Variants in IMMP2L observed in about 807,000 individuals in gnomAD.
The protein encoded by IMMP2L is mitochondrial inner membrane protease subunit 2.
A neutral mutation model predicts 19.3 loss-of-function variants in IMMP2L; 18 were observed. The observed-to-expected ratio is 0.93, with a 90% CI of 0.64 to 1.38. IMMP2L has a LOEUF of 1.38. IMMP2L is among the 40% of genes most tolerant of loss of function. IMMP2L has a pLI of 0.00. For missense variants in IMMP2L, 233 were observed against 218.2 expected (o/e 1.07, Z -0.43); for synonymous variants, 76 against 73.0 (o/e 1.04, Z -0.21).
chr7:110,704,948 G>T (rs542531940), intron 5 of IMMP2L, among the ~76,000 whole-genome samples: 1 of 152,152 alleles, frequency 6.6e-6, no homozygotes, highest in East Asian at 1.9e-4. Flanking sequence ...TAGACCAGAT[G>T]AAATCACCTC....
intron 3 of IMMP2L, among the ~76,000 whole-genome samples, chr7:111,387,032 T>C (rs1320163955): frequency 2.0e-5 from 3 of 152,186 alleles, no homozygotes; most frequent in Non-Finnish European, 4.4e-5. Context: ...TATTCAAAAA[T>C]AGCAGAAGAA....
chr7:111,463,496 A>C (rs952414313), intron 3 of IMMP2L, among the ~76,000 whole-genome samples: 23 of 152,066 alleles, frequency 1.5e-4, no homozygotes, highest in Admixed American at 8.5e-4. Context: ...AGATCACAAG[A>C]CAACAGAAGA....
At chr7:111,413,177 C>T (rs1178339634) in intron 3 of IMMP2L, among the ~76,000 whole-genome samples, 1 of 151,974 alleles carries the variant, frequency 6.6e-6, no homozygotes, top group Admixed American at 6.6e-5. Flanking sequence ...AAAACTGAAT[C>T]AAAATAAACC....
At chr7:111,090,774 CA>C (rs1563231280) in intron 3 of IMMP2L, among the ~76,000 whole-genome samples, 1 of 152,078 alleles carries the variant, frequency 6.6e-6, no homozygotes, top group East Asian at 1.9e-4. Flanking sequence ...GAGTCTCTAC[CA>C]GGTGTTTTTA....
At chr7:111,519,691 C>A (rs1846171564) in intron 2 of IMMP2L, among the ~76,000 whole-genome samples, 1 of 151,960 alleles carries the variant, frequency 6.6e-6, no homozygotes, top group South Asian at 2.1e-4. Flanking sequence ...TCAGCACAAG[C>A]CATGAACATA....
At chr7:111,516,537 A>G (rs1452108983) in intron 2 of IMMP2L, among the ~76,000 whole-genome samples, 5 of 152,156 alleles carry the variant, frequency 3.3e-5, no homozygotes, top group African/African-American at 1.2e-4. Context: ...AAAGTGTAAT[A>G]AAGTTGGTAT....
chr7:111,386,251 C>G (rs1040298981), intron 3 of IMMP2L, among the ~76,000 whole-genome samples: 2 of 152,076 alleles, frequency 1.3e-5, no homozygotes, highest in Non-Finnish European at 2.9e-5. Flanking sequence ...AATAACTTCC[C>G]CATGAGTAAT....
intron 5 of IMMP2L, among the ~76,000 whole-genome samples, chr7:110,735,329 C>A (rs188376239): frequency 9.1e-4 from 139 of 152,176 alleles, no homozygotes; most frequent in South Asian, 2.1e-3. Context: ...TTTCCAGGAC[C>A]CCTCTCTGTA....
rs148214312 is a variant in IMMP2L, at chr7:110,758,611, A to T, written c.409-94890T>A. Among the ~76,000 whole-genome samples the T allele has an allele frequency of 4.8e-3, 737 of 152,186 alleles. 22 individuals carry two copies. Among genetic ancestry groups the T allele is most frequent in the Admixed American group, 0.042 (637 of 15,258 alleles). ...ATTTAGCAGATAATAATCAATCAAT[A>T]TTGACTTTCAGTCTTCCTACAGTAC... On this transcript the variant is annotated intron_variant, in intron 5 of 5. Transcript: ENST00000405709. This position sits in a 1 kb window ranked among gnomAD's most constrained non-coding sequence, Gnocchi z 4.6.
intron 5 of IMMP2L, among the ~76,000 whole-genome samples, chr7:110,775,018 C>T (rs2131043754): frequency 6.6e-6 from 1 of 152,076 alleles, no homozygotes; most frequent in South Asian, 2.1e-4. Flanking sequence ...ATCACACCTT[C>T]AATGATTACT....
At chr7:110,793,177 T>C (rs1193698116) in intron 5 of IMMP2L, among the ~76,000 whole-genome samples, 1 of 152,052 alleles carries the variant, frequency 6.6e-6, no homozygotes, top group Non-Finnish European at 1.5e-5. Flanking sequence ...CCCAGCACTT[T>C]GGGAGGCCGA....
chr7:111,409,973 G>C (rs186462372), intron 3 of IMMP2L, among the ~76,000 whole-genome samples: 1 of 151,860 alleles, frequency 6.6e-6, no homozygotes, highest in Admixed American at 6.6e-5. Context: ...CAAATAAGTT[G>C]AGAAACAGAT....
At position 111,522,134 on chromosome 7, in the gene IMMP2L, T is replaced by C. The variant is rs1303504968; in HGVS notation, c.-2-685A>G. Among the ~76,000 whole-genome samples the C allele has an allele frequency of 3.9e-5, 6 of 152,170 alleles. No homozygotes were observed. The East Asian group carries it at 1.2e-3, about 29-fold the overall frequency. On this transcript the variant is annotated intron_variant, in intron 1 of 5. Coordinates refer to ENST00000405709, the MANE Select transcript of IMMP2L (RefSeq NM_032549.4). ...ACCATACTGTCCTGCATTGCTTACA[T>C]TTGGACTGTTAAATCACAGATAAAT...
At chr7:111,229,533 T>C (rs1813493642) in intron 3 of IMMP2L, among the ~76,000 whole-genome samples, 1 of 152,004 alleles carries the variant, frequency 6.6e-6, no homozygotes. Context: ...CCACACCAAC[T>C]CACCCTACTC....
intron 5 of IMMP2L, among the ~76,000 whole-genome samples, chr7:110,748,285 A>G (rs1247207789): frequency 3.9e-5 from 6 of 152,306 alleles, no homozygotes; most frequent in South Asian, 2.1e-4. Flanking sequence ...ATGCTCATGG[A>G]TAGGAAGAAT....
At chr7:111,231,350 C>T (rs1368851169) in intron 3 of IMMP2L, among the ~76,000 whole-genome samples, 2 of 151,988 alleles carry the variant, frequency 1.3e-5, no homozygotes, top group Non-Finnish European at 2.9e-5. Context: ...CTGTAGCCTT[C>T]ACTCTTAACA....
chr7:111,209,943 G>C (rs867079394), intron 3 of IMMP2L, among the ~76,000 whole-genome samples: 1 of 152,248 alleles, frequency 6.6e-6, no homozygotes, highest in East Asian at 1.9e-4. Flanking sequence ...CCCTGTTCCA[G>C]TTCATGGGAG....
At chr7:111,067,358 T>C (rs1794600408) in intron 3 of IMMP2L, among the ~76,000 whole-genome samples, 1 of 152,186 alleles carries the variant, frequency 6.6e-6, no homozygotes, top group Non-Finnish European at 1.5e-5. Flanking sequence ...CTGACCTATA[T>C]GGATGACATA....
intron 2 of IMMP2L, among the ~76,000 whole-genome samples, chr7:111,507,257 A>T (rs1845006696): frequency 6.6e-6 from 1 of 152,180 alleles, no homozygotes; most frequent in Non-Finnish European, 1.5e-5. Context: ...TTTATTTTCC[A>T]ACCCAAAAAA....
Sources: gnomAD v4.1 joint callset for allele counts (sites outside exome capture counted in the v4.1 genomes callset) on GRCh38, gnomAD v4.1.1 for gene constraint, Gnocchi (gnomAD v3.1) non-coding constraint, MANE v1.5 for transcripts, NCBI Gene and HGNC (gene_info 2026-07-23, HGNC 2026-07-21) for gene names.